ARHGAP26: variants seen among roughly 807,000 people sequenced by gnomAD.
ARHGAP26 encodes Rho GTPase activating protein 26.
In ARHGAP26, 38 loss-of-function variants were observed where a neutral mutation model predicts 104.8. The ratio of observed to expected loss-of-function variants is 0.36; its 90% CI spans 0.28 to 0.48. The LOEUF is 0.48. Among genes scored for constraint, ARHGAP26 ranks in the 20% least tolerant of loss-of-function variants. ARHGAP26 has a pLI of 0.99. For synonymous variants in ARHGAP26, 341 were observed against 340.0 expected, an observed-to-expected ratio of 1.00 and a Z score of -0.03; for missense variants, 704 against 947.9, an observed-to-expected ratio of 0.74 and a Z score of 3.38.
At chr5:143,024,080 A>G (rs920261302) in intron 12 of ARHGAP26, among the ~76,000 whole-genome samples, 4 of 152,180 alleles carry the variant, frequency 2.6e-5, no homozygotes, top group Non-Finnish European at 5.9e-5. Context: ...AATTACATTT[A>G]GTTGAGCTGT....
chr5:142,799,275 G>A (rs995447687), intron 1 of ARHGAP26, among the ~76,000 whole-genome samples: 3 of 151,702 alleles, frequency 2.0e-5, no homozygotes, highest in East Asian at 1.9e-4. Context: ...TCTTACATTC[G>A]TTACAACTCA....
chr5:142,983,461 C>A (rs1774243660), intron 11 of ARHGAP26, among the ~76,000 whole-genome samples: 2 of 152,176 alleles, frequency 1.3e-5, no homozygotes, highest in Non-Finnish European at 2.9e-5. Flanking sequence ...CCTCCTCGGC[C>A]TCTCAAAGTG....
chr5:143,209,288 A>C (rs935288369), intron 21 of ARHGAP26, among the ~76,000 whole-genome samples: 6 of 152,028 alleles, frequency 3.9e-5, no homozygotes, highest in Admixed American at 3.3e-4. Context: ...CATCTCCCCA[A>C]ATATTTCCAG....
intron 20 of ARHGAP26, among the ~76,000 whole-genome samples, chr5:143,164,463 C>T (rs1383183410): frequency 6.6e-6 from 1 of 152,156 alleles, no homozygotes; most frequent in Non-Finnish European, 1.5e-5. Context: ...CAGCTTGAAT[C>T]AATTAGGTTA....
In ARHGAP26 at chr5:143,214,746, G is replaced by C. The variant is rs184158164; in HGVS notation, c.2191+658G>C. 5.7e-3 allele frequency among the ~76,000 whole-genome samples: 870 copies of C among 152,326 alleles called. 6 individuals carry two copies. The highest frequency in any genetic ancestry group is 0.018 in the South Asian group (88 of 4,824). ...ATCCATCAGGTACAGGTAGACAAAA[G>C]GGGGAACAAGGCACAGAACATGAGG... is the stretch of plus-strand genomic sequence containing the variant. On this transcript the variant is annotated intron_variant, in intron 22 of 22. Transcript: ENST00000645722.
intron 11 of ARHGAP26, among the ~76,000 whole-genome samples, chr5:142,965,826 G>A (rs1344335700): frequency 6.6e-6 from 1 of 152,182 alleles, no homozygotes; most frequent in East Asian, 1.9e-4. Context: ...GGATGCTGCC[G>A]AGACCTAGCC....
At chr5:142,809,446 C>G (rs1227272685) in intron 1 of ARHGAP26, among the ~76,000 whole-genome samples, 2 of 152,168 alleles carry the variant, frequency 1.3e-5, no homozygotes, top group Admixed American at 1.3e-4. Context: ...GTTTTGGACA[C>G]TAGCAATCAA....
intron 19 of ARHGAP26, among the ~76,000 whole-genome samples, chr5:143,141,857 T>A (rs1798575838): frequency 6.6e-6 from 1 of 152,248 alleles, no homozygotes; most frequent in South Asian, 2.1e-4. Context: ...AATGGTGTTT[T>A]AGGGCCAGTC....
intron 12 of ARHGAP26, among the ~76,000 whole-genome samples, chr5:143,025,637 G>A (rs1399773794): frequency 1.3e-5 from 2 of 152,242 alleles, no homozygotes; most frequent in East Asian, 3.8e-4. Context: ...TGTGCATTAA[G>A]CCTTGCTCTT....
chr5:142,872,075 C>A (rs1755396344), intron 1 of ARHGAP26, among the ~76,000 whole-genome samples: 2 of 152,164 alleles, frequency 1.3e-5, no homozygotes, highest in Non-Finnish European at 2.9e-5. Context: ...CTTCCACTAG[C>A]AGCCATTGCT....
At chr5:143,207,355 T>A (rs747661745) in intron 21 of ARHGAP26, 47 bp downstream of exon 21, 2 of 1,614,100 alleles carry the variant, frequency 1.2e-6, no homozygotes, top group East Asian at 2.2e-5. Context: ...CGTTGTTCTC[T>A]CATTGGCTCG....
Position 142,913,183 on chromosome 5 carries a change from T to C in ARHGAP26, c.934-16T>C, listed in dbSNP as rs571920898. 3 of 1,610,474 alleles carry C rather than the reference T, an allele frequency of 1.9e-6. No individual in the cohort carries two copies. The East Asian group carries it at 6.7e-5, about 36-fold the overall frequency. ...CCATTCTGGCCTCATCTTGATAGTC[T>C]GTGTGTTCCCACTAGGGAGAAGATG... On this transcript the variant is annotated splice_polypyrimidine_tract_variant and intron_variant, in intron 9 of 22. Coordinates refer to ENST00000645722, the MANE Select transcript of ARHGAP26 (RefSeq NM_001135608.3).
At chr5:142,973,062 A>C (rs116336830) in intron 11 of ARHGAP26, among the ~76,000 whole-genome samples, 1 of 151,974 alleles carries the variant, frequency 6.6e-6, no homozygotes, top group Admixed American at 6.6e-5. Flanking sequence ...GGGTTGTTTT[A>C]GATTGGTAAT....
intron 20 of ARHGAP26, among the ~76,000 whole-genome samples, chr5:143,149,980 A>G (rs1171698594): frequency 6.6e-6 from 1 of 152,194 alleles, no homozygotes; most frequent in Non-Finnish European, 1.5e-5. Context: ...ACCTCTGATA[A>G]TACATTTTGC....
Position 142,949,164 on chromosome 5 carries a change from C to CGA in ARHGAP26, c.1107+17039_1107+17040insGA, listed in dbSNP as rs1767641310. ...CTGCTGAAGTTTTATAGTTGAATTT[C>CGA]CAGAGAGAGAGAGAGAGAGAGAGAG... On this transcript the variant is annotated intron_variant, in intron 11 of 22. Coordinates refer to ENST00000645722, the MANE Select transcript of ARHGAP26 (RefSeq NM_001135608.3). Among the ~76,000 whole-genome samples, 119 of 40,630 alleles carry CGA rather than the reference C, an allele frequency of 2.9e-3. 23 individuals carry two copies. The highest frequency in any genetic ancestry group is 0.028 in the East Asian group (20 of 722). The allele number at this position is 40,630 out of a possible 152,430, so 26.7% of individuals were successfully genotyped here.
At chr5:142,951,833 G>C (rs915504916) in intron 11 of ARHGAP26, among the ~76,000 whole-genome samples, 1 of 152,180 alleles carries the variant, frequency 6.6e-6, no homozygotes, top group Non-Finnish European at 1.5e-5. Context: ...ATGTGGATTA[G>C]TTTCCTAGAG....
intron 21 of ARHGAP26, among the ~76,000 whole-genome samples, chr5:143,210,397 C>T (rs1191713356): frequency 2.0e-5 from 3 of 152,086 alleles, no homozygotes; most frequent in Non-Finnish European, 2.9e-5. Flanking sequence ...TCCCACAACA[C>T]GGGAATGATG....
At chr5:142,906,068 T>A (rs1047957701) in intron 8 of ARHGAP26, among the ~76,000 whole-genome samples, 5 of 152,076 alleles carry the variant, frequency 3.3e-5, no homozygotes, top group African/African-American at 1.2e-4. Context: ...TACAGTTTTC[T>A]TCAGCATGGG....
At chr5:142,981,269 T>C (rs1773902708) in intron 11 of ARHGAP26, among the ~76,000 whole-genome samples, 1 of 152,186 alleles carries the variant, frequency 6.6e-6, no homozygotes, top group East Asian at 1.9e-4. Flanking sequence ...TAATCTTATT[T>C]CCTAAACCGT....
Sources: gnomAD v4.1 joint callset for allele counts (sites outside exome capture counted in the v4.1 genomes callset) on GRCh38, gnomAD v4.1.1 for gene constraint, MANE v1.5 for transcripts, NCBI Gene and HGNC (gene_info 2026-07-23, HGNC 2026-07-21) for gene names.